Variants in MEGF8 observed in about 807,000 individuals in gnomAD.
MEGF8 encodes multiple EGF like domains 8, also known as multiple epidermal growth factor-like domains protein 8.
Under a neutral mutation model 302.9 loss-of-function variants are expected in MEGF8, and 156 were observed. That is an observed-to-expected ratio of 0.52 (90% confidence interval 0.45 to 0.59). The LOEUF (loss-of-function observed/expected upper bound fraction) is 0.59, where lower values mean the gene tolerates loss of function less well. Among genes scored for constraint, MEGF8 ranks in the 20% least tolerant of loss-of-function variants. MEGF8 has a pLI of 0.00. For synonymous variants in MEGF8, 1,621 were observed against 1,660.5 expected, an observed-to-expected ratio of 0.98 and a Z score of 0.58; for missense variants, 3,345 against 3,964.5, an observed-to-expected ratio of 0.84 and a Z score of 4.20.
At chr19:42,347,077 TG>T (rs1215592801) in intron 12 of MEGF8, among the ~76,000 whole-genome samples, 7 of 151,108 alleles carry the variant, frequency 4.6e-5, no homozygotes, top group African/African-American at 1.7e-4. Context: ...ACCCCTTAAG[TG>T]GTCCAAAATT....
In MEGF8 at chr19:42,368,410, C is replaced by A; in HGVS notation, c.6274-45C>A. 2 of 1,472,490 alleles carry A rather than the reference C, an allele frequency of 1.4e-6. No individual in the cohort carries two copies. Among genetic ancestry groups the A allele is most frequent in the Non-Finnish European group, 1.8e-6 (2 of 1,087,308 alleles). 91.2% of individuals were successfully genotyped at this position (1,472,490 alleles called of 1,614,324 possible). Reference sequence around the variant, plus strand: ...AATGTGTTTGTTTAAGCTTATTTCCCCATCTCTCTCTTCCCTGCATCCCCA... The same window carrying A: ...AATGTGTTTGTTTAAGCTTATTTCCACATCTCTCTCTTCCCTGCATCCCCA... On this transcript the variant is annotated intron_variant, in intron 35 of 41. Transcript: ENST00000251268. This position sits in a 1 kb window ranked among gnomAD's most constrained non-coding sequence, Gnocchi z 4.9.
Position 42,353,456 on chromosome 19 carries a change from C to T in MEGF8, c.3551-9C>T, listed in dbSNP as rs759657339. The stretch of plus-strand genomic sequence containing the variant: ...CTTGACTCTGTCCCACCTGCTGGGG[C>T]CTCCACAGACTGGACATGGGGGGAG... On this transcript the variant is annotated splice_polypyrimidine_tract_variant and intron_variant, in intron 20 of 41. Coordinates refer to ENST00000251268, the MANE Select transcript of MEGF8 (RefSeq NM_001271938.2). This position sits in a 1 kb window ranked among gnomAD's most constrained non-coding sequence, Gnocchi z 6.1. The T allele has an allele frequency of 6.2e-7, 1 of 1,609,214 alleles. No individual in the cohort carries two copies. The highest frequency in any genetic ancestry group is 1.7e-5 in the Admixed American group (1 of 59,782).
chr19:42,348,616 G>A, intron 13 of MEGF8, 144 bp downstream of exon 13: 3 of 800,330 alleles, frequency 3.7e-6, no homozygotes, highest in Non-Finnish European at 5.7e-6. Context: ...TTGTGTGTGT[G>A]TAAGACAGAG....
chr19:42,343,327 C>T, intron 8 of MEGF8, 150 bp from the exon 9 acceptor site: 1 of 750,128 alleles, frequency 1.3e-6, no homozygotes, highest in Non-Finnish European at 2.0e-6. Context: ...TGTTCAGGGC[C>T]AGGTGGGCTG....
Position 42,348,360 on chromosome 19 carries a change from T to A in MEGF8, c.2186T>A (p.Met729Lys). 2.0e-6 allele frequency: 3 copies of A among 1,537,402 alleles called. No individual in the cohort carries two copies. The highest frequency in any genetic ancestry group is 2.6e-6 in the Non-Finnish European group (3 of 1,146,930). The part of the protein sequence containing the change: ...SLVYRGFIYP[M>K]LPGGPGGPGA... ...GTCTACCGTGGCTTCATCTACCCAA[T>A]GCTGCCTGGAGGGCCAGGTGGACCA... The change falls in exon 13 of 42, where the codon ATG becomes AAG. Residue 729 changes from methionine to lysine, a missense_variant. Transcript: ENST00000251268.
rs2039459473 is a variant in MEGF8 at position 42,356,832 on chromosome 19, C to T, written c.4681C>T (p.Pro1561Ser). Residue 1561 changes from proline (P) to serine (S), a missense_variant, in exon 27 of 42, where the codon CCA (proline) becomes TCA (serine). Physicochemically the swap from Pro to Ser is moderately conservative, Grantham distance 74. Transcript: ENST00000251268. This position sits in a 1 kb window ranked among gnomAD's most constrained non-coding sequence, Gnocchi z 5.2. ...GCTGGCGGGAGCCGAGGACGGGGGC[C>T]CAGGCCCATCGCCCCGCTCCTTCCA... is the stretch of plus-strand genomic sequence containing the variant. Reference protein sequence around the residue: ...QMLAGAEDGGPGPSPRSFHAA... With the variant: ...QMLAGAEDGGSGPSPRSFHAA... 1 of 1,562,540 alleles carries T rather than the reference C, an allele frequency of 6.4e-7. No homozygotes were observed. Among genetic ancestry groups the T allele is most frequent in the African/African-American group, 1.4e-5 (1 of 73,648 alleles).
intron 13 of MEGF8, among the ~76,000 whole-genome samples, chr19:42,348,690 C>T (rs2039325527): frequency 1.3e-5 from 2 of 152,292 alleles, no homozygotes; most frequent in Middle Eastern, 3.4e-3. Context: ...ACCTTCACCT[C>T]CCAGGTTCAA....
Position 42,336,295 on chromosome 19 carries a change from C to A in MEGF8, c.1193C>A (p.Ala398Asp). The change falls in exon 6 of 42, where the codon GCC becomes GAC. Residue 398 changes from alanine (A) to aspartate (D), a missense_variant. Transcript: ENST00000251268. This position sits in a 1 kb window ranked among gnomAD's most constrained non-coding sequence, Gnocchi z 4.8. ...AATGHSMVFH[A>D]PSRALLVHGG... is the part of the protein sequence containing the mutation. ...ACTGGCCACTCCATGGTGTTCCATG[C>A]CCCCTCCCGTGCCCTGCTGGTCCAT... 1 of 1,607,732 alleles carries A rather than the reference C, an allele frequency of 6.2e-7. No individual in the cohort carries two copies.
At position 42,376,506 on chromosome 19, in the gene MEGF8, C is replaced by A. The variant is rs1369668558; in HGVS notation, c.8269C>A (p.Pro2757Thr). 1 of 1,582,600 alleles carries A rather than the reference C, an allele frequency of 6.3e-7. No homozygotes were observed. The highest frequency in any genetic ancestry group is 2.3e-5 in the East Asian group (1 of 42,682). Reference protein sequence around the residue: ...MGGGCCPPAIPATTAGLRAGP... With the variant: ...MGGGCCPPAITATTAGLRAGP... Reference sequence around the variant, plus strand: ...AGGGGGCTGCTGCCCACCAGCCATCCCCGCCACCACTGCTGGGCTGCGAGC... The same window carrying A: ...AGGGGGCTGCTGCCCACCAGCCATCACCGCCACCACTGCTGGGCTGCGAGC... Residue 2757 changes from proline to threonine, a missense_variant, in exon 42 of 42, where the codon CCC (proline) becomes ACC (threonine). Coordinates refer to ENST00000251268, the MANE Select transcript of MEGF8 (RefSeq NM_001271938.2). This position sits in a 1 kb window ranked among gnomAD's most constrained non-coding sequence, Gnocchi z 8.2.
intron 1 of MEGF8, among the ~76,000 whole-genome samples, chr19:42,329,612 A>T (rs918416248): frequency 6.6e-6 from 1 of 152,188 alleles, no homozygotes; most frequent in Non-Finnish European, 1.5e-5. Flanking sequence ...CTGTAATCCC[A>T]GCACTTTGGG....
rs1420207076 is a variant in MEGF8 at position 42,326,285 on chromosome 19, C to T, written c.42C>T (p.Ala14=). Residue 14 remains alanine, a synonymous_variant, in exon 1 of 42, where the codon GCC becomes GCT. Coordinates refer to ENST00000251268, the MANE Select transcript of MEGF8 (RefSeq NM_001271938.2). ...GKVLAMALVL[A]LAVLGSLSPG... The stretch of plus-strand genomic sequence containing the variant: ...TTCTGGCCATGGCACTGGTTTTGGC[C>T]TTGGCCGTGCTGGGGTCGCTGTCCC... The T allele has an allele frequency of 6.4e-7, 1 of 1,560,718 alleles. No homozygotes were observed. The highest frequency in any genetic ancestry group is 2.5e-5 in the East Asian group (1 of 40,472).
intron 32 of MEGF8, 107 bp from the exon 33 acceptor site, chr19:42,361,983 C>A: frequency 6.7e-7 from 1 of 1,496,686 alleles, no homozygotes; most frequent in Non-Finnish European, 9.0e-7. Flanking sequence ...GAGGCCTGTG[C>A]TATGTCCAGC....
At chr19:42,371,545 A>G (rs1201635813) in intron 41 of MEGF8, 63 bp downstream of exon 41, 1 of 1,603,534 alleles carries the variant, frequency 6.2e-7, no homozygotes, top group African/African-American at 1.3e-5. Flanking sequence ...CAGGGCTGGG[A>G]TGAGGTAGCC....
In MEGF8 at chr19:42,375,980, G is replaced by A. The variant is rs144256916; in HGVS notation, c.7743G>A (p.Thr2581=). 4.0e-5 allele frequency: 65 copies of A among 1,606,628 alleles called. No individual in the cohort carries two copies. Among genetic ancestry groups the A allele is most frequent in the Non-Finnish European group, 5.2e-5 (61 of 1,177,870 alleles). Residue 2581 remains threonine, a synonymous_variant, in exon 42 of 42, where the codon ACG becomes ACA. Coordinates refer to ENST00000251268, the MANE Select transcript of MEGF8 (RefSeq NM_001271938.2). The surrounding 1 kb of genome is among the most constrained non-coding windows in gnomAD (Gnocchi z 7.1). The stretch of plus-strand genomic sequence containing the variant: ...GCCTGATTACCTACGTGACGGTGAC[G>A]GAGCCGTCGGCAGTGCTGGTGGTCC... ...PRGLITYVTV[T]EPSAVLVVRG... is the part of the protein sequence containing the mutation.
rs771253887 is a variant in MEGF8 at position 42,356,021 on chromosome 19, G to A, written c.4392+16G>A. On this transcript the variant is annotated intron_variant, in intron 24 of 41. Coordinates refer to ENST00000251268, the MANE Select transcript of MEGF8 (RefSeq NM_001271938.2). The surrounding 1 kb of genome is among the most constrained non-coding windows in gnomAD (Gnocchi z 5.2). Reference sequence around the variant, plus strand: ...TTGTAACCAGGTACAGGTGGGAGAGGGCAAGTCTGGTGGGACAGGGCTGGT... The same window carrying A: ...TTGTAACCAGGTACAGGTGGGAGAGAGCAAGTCTGGTGGGACAGGGCTGGT... 25 of 1,607,432 alleles carry A rather than the reference G, an allele frequency of 1.6e-5. No homozygotes were observed. The South Asian group carries it at 2.5e-4, about 16-fold the overall frequency.
chr19:42,346,196 G>A (rs752497423), intron 12 of MEGF8, among the ~76,000 whole-genome samples: 2 of 152,060 alleles, frequency 1.3e-5, no homozygotes, highest in Admixed American at 6.6e-5. Context: ...CACCATGCCC[G>A]GCCTCTTTAT....
rs747792592 is a variant in MEGF8, at chr19:42,354,053, C to T, written c.4011+29C>T. The T allele has an allele frequency of 5.6e-5, 88 of 1,575,198 alleles. No homozygotes were observed. In the Admixed American group the frequency reaches 5.7e-4, roughly 10 times the overall value. On this transcript the variant is annotated intron_variant, in intron 22 of 41. Coordinates refer to ENST00000251268, the MANE Select transcript of MEGF8 (RefSeq NM_001271938.2). The surrounding 1 kb of genome is among the most constrained non-coding windows in gnomAD (Gnocchi z 4.3). ...AGCACTGAGGAAACGAGGGTTCAGG[C>T]GCATGAGCCAGAACCGTGTCCCCTG...
In MEGF8 at chr19:42,344,049, C is replaced by G; in HGVS notation, c.1764C>G (p.Pro588=). The change falls in exon 10 of 42, where the codon CCC becomes CCG. Residue 588 remains proline, a synonymous_variant. Coordinates refer to ENST00000251268, the MANE Select transcript of MEGF8 (RefSeq NM_001271938.2). This position sits in a 1 kb window ranked among gnomAD's most constrained non-coding sequence, Gnocchi z 4.5. ...GCCAAGGAGCCTGCCAAGCTGCACC[C>G]CCTCCTGGGACCCCCTTGGGGGCTG... is the stretch of plus-strand genomic sequence containing the variant. ...SWCQGACQAA[P]PPGTPLGACP... 1.2e-6 allele frequency: 2 copies of G among 1,613,680 alleles called. No homozygotes were observed. The highest frequency in any genetic ancestry group is 1.7e-6 in the Non-Finnish European group (2 of 1,179,754).
Position 42,351,646 on chromosome 19 carries a change from A to T in MEGF8, c.2988-2A>T. 6.3e-7 allele frequency: 1 copy of T among 1,590,652 alleles called. No homozygotes were observed. The highest frequency in any genetic ancestry group is 1.3e-5 in the African/African-American group (1 of 74,452). ...CTGACCCCCACCCCTGCCATCCTGC[A>T]GTGTACACTCGGAGCCACGGTGCCG... On this transcript the variant is annotated splice_acceptor_variant, in intron 17 of 41. Coordinates refer to ENST00000251268, the MANE Select transcript of MEGF8 (RefSeq NM_001271938.2). LOFTEE classifies it high-confidence loss of function. The surrounding 1 kb of genome is among the most constrained non-coding windows in gnomAD (Gnocchi z 5.6).
Sources: allele counts gnomAD v4.1 joint callset (sites outside exome capture counted in the v4.1 genomes callset), GRCh38; gene constraint gnomAD v4.1.1; non-coding constraint Gnocchi (gnomAD v3.1); transcripts MANE v1.5; gene names NCBI Gene and HGNC (gene_info 2026-07-23, HGNC 2026-07-21).